The following TRDN variants were observed in gnomAD, a reference collection of about 807,000 sequenced individuals.
TRDN encodes triadin in skeletal muscle.
Under a neutral mutation model 149.7 loss-of-function variants are expected in TRDN, and 161 were observed. The observed-to-expected ratio is 1.08, with a 90% CI of 0.95 to 1.23. The LOEUF (loss-of-function observed/expected upper bound fraction) is 1.23. Among genes scored for constraint, TRDN ranks in the 50% most tolerant of loss-of-function variants. The probability of loss-of-function intolerance (pLI) is 0.00; values close to 1 mark genes in which losing one functional copy is unlikely to be tolerated. For missense variants in TRDN, 896 were observed against 823.5 expected (o/e 1.09, Z -1.08); for synonymous variants, 294 against 250.5 (o/e 1.17, Z -1.64).
chr6:123,423,711 T>C (rs1376669546), intron 12 of TRDN, among the ~76,000 whole-genome samples: 2 of 152,164 alleles, frequency 1.3e-5, no homozygotes, highest in Non-Finnish European at 2.9e-5. Context: ...ACATGAATCA[T>C]AGTCTTGAAA....
intron 12 of TRDN, among the ~76,000 whole-genome samples, chr6:123,396,693 A>G (rs1772746493): frequency 1.3e-5 from 2 of 152,210 alleles, no homozygotes; most frequent in South Asian, 2.1e-4. Context: ...CAAATGTTTC[A>G]ATGTCTTCTG....
chr6:123,447,987 G>T (rs1333327917), intron 10 of TRDN, among the ~76,000 whole-genome samples: 1 of 152,032 alleles, frequency 6.6e-6, no homozygotes. Flanking sequence ...GAAAATGATG[G>T]GCTGTTTGCA....
intron 1 of TRDN, among the ~76,000 whole-genome samples, chr6:123,592,241 T>C (rs1476887998): frequency 2.0e-5 from 3 of 152,208 alleles, no homozygotes; most frequent in African/African-American, 7.2e-5. Context: ...AATAAAATAA[T>C]GAATGGACTT....
intron 38 of TRDN, among the ~76,000 whole-genome samples, chr6:123,239,376 A>T (rs988482658): frequency 4.6e-5 from 7 of 152,188 alleles, no homozygotes; most frequent in Non-Finnish European, 5.9e-5. Context: ...GTCAAAGAAG[A>T]TACAGGGTAA....
At chr6:123,353,961 A>G (rs1582907579) in intron 20 of TRDN, among the ~76,000 whole-genome samples, 1 of 151,758 alleles carries the variant, frequency 6.6e-6, no homozygotes, top group East Asian at 1.9e-4. Context: ...TATGCTCTTT[A>G]TTTTGCTGTT....
In TRDN at chr6:123,629,048, CT is replaced by C. The variant is rs1320229962; in HGVS notation, c.22+7705del. ...CAGATTTTACAGTACGCTTTTTCCC[CT>C]AGTCAATAATATATAGGTTAAATCA... On this transcript the variant is annotated intron_variant, in intron 1 of 40. Coordinates refer to ENST00000334268, the MANE Select transcript of TRDN (RefSeq NM_006073.4). Among the ~76,000 whole-genome samples, 11 of 152,130 alleles carry C rather than the reference CT, an allele frequency of 7.2e-5. No homozygotes were observed. In the East Asian group the frequency reaches 2.1e-3, roughly 29 times the overall value.
chr6:123,480,033 A>G (rs1777671334), intron 9 of TRDN, among the ~76,000 whole-genome samples: 2 of 152,096 alleles, frequency 1.3e-5, no homozygotes, highest in African/African-American at 4.8e-5. Flanking sequence ...TCAATGTCAA[A>G]AATATTTAAC....
chr6:123,582,165 C>T (rs1783152344), intron 1 of TRDN, among the ~76,000 whole-genome samples: 1 of 152,094 alleles, frequency 6.6e-6, no homozygotes, highest in African/African-American at 2.4e-5. Context: ...AAGAGTGAGA[C>T]AACTCGAAAT....
At chr6:123,522,429 C>G (rs1779725994) in intron 5 of TRDN, among the ~76,000 whole-genome samples, 1 of 50,946 alleles carries the variant, frequency 2.0e-5, no homozygotes, top group Non-Finnish European at 4.1e-5. Flanking sequence ...AATAAACAAA[C>G]AACTACATGG....
chr6:123,293,927 C>T (rs1778099424), intron 24 of TRDN, among the ~76,000 whole-genome samples: 1 of 152,046 alleles, frequency 6.6e-6, no homozygotes, highest in Non-Finnish European at 1.5e-5. Flanking sequence ...TTGATTCCGG[C>T]AGGAATCAAG....
In TRDN at chr6:123,369,458, T is replaced by C. The variant is rs942824862; in HGVS notation, c.1274-3276A>G. ...TTTATGCCTACCACCTGAGCAGTCA[T>C]CGAAGCTGAAGGAAGACCCCCACCC... On this transcript the variant is annotated intron_variant, in intron 19 of 40. Coordinates refer to ENST00000334268, the MANE Select transcript of TRDN (RefSeq NM_006073.4). Among the ~76,000 whole-genome samples the C allele has an allele frequency of 3.3e-5, 5 of 152,096 alleles. No homozygotes were observed. In the South Asian group the frequency reaches 8.3e-4, roughly 25 times the overall value.
intron 9 of TRDN, among the ~76,000 whole-genome samples, chr6:123,496,534 G>T (rs1439088991): frequency 1.3e-5 from 2 of 151,968 alleles, no homozygotes; most frequent in South Asian, 4.1e-4. Flanking sequence ...TTTTAAATCT[G>T]CAAAAGGCAT....
At chr6:123,555,537 T>C (rs1215654520) in intron 2 of TRDN, among the ~76,000 whole-genome samples, 1 of 152,104 alleles carries the variant, frequency 6.6e-6, no homozygotes, top group Admixed American at 6.5e-5. Context: ...TCTTGAAAAA[T>C]GCAGGAAGGA....
chr6:123,250,998 A>T (rs1350127954), intron 38 of TRDN, among the ~76,000 whole-genome samples: 1 of 151,954 alleles, frequency 6.6e-6, no homozygotes, highest in Non-Finnish European at 1.5e-5. Flanking sequence ...CCAAATCCTA[A>T]CCATTCTTCA....
At chr6:123,235,725 C>G (rs1361518922) in intron 38 of TRDN, among the ~76,000 whole-genome samples, 1 of 152,108 alleles carries the variant, frequency 6.6e-6, no homozygotes, top group Non-Finnish European at 1.5e-5. Context: ...TAGTGACACT[C>G]CCCCTCTGTC....
chr6:123,300,600 T>C (rs914528007), intron 24 of TRDN, among the ~76,000 whole-genome samples: 1 of 151,866 alleles, frequency 6.6e-6, no homozygotes, highest in South Asian at 2.1e-4. Flanking sequence ...ATTGACTAAA[T>C]TGGCTAAGAA....
intron 1 of TRDN, among the ~76,000 whole-genome samples, chr6:123,583,308 G>C (rs9375270): frequency 6.6e-6 from 1 of 151,342 alleles, no homozygotes; most frequent in African/African-American, 2.4e-5. Context: ...ACAAGTTTTT[G>C]GGGGGCACAG....
chr6:123,620,940 C>G (rs1045698794), intron 1 of TRDN, among the ~76,000 whole-genome samples: 1 of 152,100 alleles, frequency 6.6e-6, no homozygotes, highest in Non-Finnish European at 1.5e-5. Flanking sequence ...CTCAGTTGCT[C>G]TCACCAGTGC....
In TRDN at chr6:123,434,825, T is replaced by C. The variant is rs138647415; in HGVS notation, c.1051+3238A>G. Among the ~76,000 whole-genome samples the C allele has an allele frequency of 4.6e-5, 7 of 152,130 alleles. No homozygotes were observed. In the East Asian group the frequency reaches 1.2e-3, roughly 25 times the overall value. The stretch of plus-strand genomic sequence containing the variant: ...CAGGTATTTATTTAATTTTTTGCCA[T>C]GGATGATTTCAAATATACACTAAAT... On this transcript the variant is annotated intron_variant, in intron 12 of 40. Transcript: ENST00000334268.
Sources: gnomAD v4.1 joint callset for allele counts (sites outside exome capture counted in the v4.1 genomes callset) on GRCh38, gnomAD v4.1.1 for gene constraint, MANE v1.5 for transcripts, NCBI Gene and HGNC (gene_info 2026-07-23, HGNC 2026-07-21) for gene names.